CLEC7A: variants seen among roughly 807,000 people sequenced by gnomAD.
CLEC7A encodes C-type lectin domain family 7 member A.
Under a neutral mutation model 26.9 loss-of-function variants are expected in CLEC7A, and 25 were observed. The ratio of observed to expected loss-of-function variants is 0.93; its 90% CI spans 0.68 to 1.30. The LOEUF (loss-of-function observed/expected upper bound fraction) is 1.30. Ranked by LOEUF, CLEC7A falls within the 50% of genes most tolerant of loss-of-function variation. CLEC7A has a pLI of 0.00. For missense variants in CLEC7A, 275 were observed against 286.7 expected, an observed-to-expected ratio of 0.96 and a Z score of 0.29; for synonymous variants, 100 against 99.5, an observed-to-expected ratio of 1.01 and a Z score of -0.03.
chr12:10,124,456 A>G (rs567226903), intron 4 of CLEC7A, among the ~76,000 whole-genome samples: 37 of 152,334 alleles, frequency 2.4e-4, no homozygotes, highest in Non-Finnish European at 4.7e-4. Flanking sequence ...CTTCTTAGGA[A>G]CACGGGGATC....
At position 10,128,434 on chromosome 12, in the gene CLEC7A, A is replaced by G. The variant is rs528828734; in HGVS notation, c.104-589T>C. Among the ~76,000 whole-genome samples, 7 of 152,276 alleles carry G rather than the reference A, an allele frequency of 4.6e-5. No homozygotes were observed. The East Asian group carries it at 7.7e-4, about 17-fold the overall frequency. On this transcript the variant is annotated intron_variant, in intron 1 of 5. Coordinates refer to ENST00000304084, the MANE Select transcript of CLEC7A (RefSeq NM_197947.3). ...TGTATGCTCCTAATTTCAGTTCCACATTGACATCTACAGGTCTTGACATTA... is the reference window on the plus strand; with the variant it reads ...TGTATGCTCCTAATTTCAGTTCCACGTTGACATCTACAGGTCTTGACATTA...
intron 1 of CLEC7A, 43 bp downstream of exon 1, chr12:10,129,937 A>G (rs1486898075): frequency 8.5e-7 from 1 of 1,172,910 alleles, no homozygotes; most frequent in Admixed American, 1.8e-5. Context: ...ATCTTTTCAA[A>G]CGGGAGAGCT....
At chr12:10,124,918 G>T in intron 4 of CLEC7A, 1 of 192,750 alleles carries the variant, frequency 5.2e-6, no homozygotes, top group Non-Finnish European at 1.1e-5. Flanking sequence ...ATGAATTTTG[G>T]CCAAGTATGG....
intron 1 of CLEC7A, among the ~76,000 whole-genome samples, chr12:10,129,317 C>G (rs1170912308): frequency 6.6e-6 from 1 of 152,116 alleles, no homozygotes; most frequent in African/African-American, 2.4e-5. Context: ...GCCTTTCTAT[C>G]AAACAAGCAA....
intron 3 of CLEC7A, 153 bp downstream of exon 3, chr12:10,126,418 G>C (rs1463366914): frequency 1.0e-6 from 1 of 977,334 alleles, no homozygotes; most frequent in Non-Finnish European, 1.2e-6. Context: ...ATATGACAGG[G>C]ATACATTACA....
chr12:10,129,225 T>G (rs887828048), intron 1 of CLEC7A, among the ~76,000 whole-genome samples: 1 of 152,196 alleles, frequency 6.6e-6, no homozygotes, highest in Non-Finnish European at 1.5e-5. Context: ...AAAAACAATT[T>G]AAATTAATCT....
intron 5 of CLEC7A, among the ~76,000 whole-genome samples, chr12:10,120,703 T>C (rs568081125): frequency 6.6e-6 from 1 of 151,386 alleles, no homozygotes; most frequent in African/African-American, 2.4e-5. Flanking sequence ...GCTGGGATTA[T>C]AGGCGTGAGT....
chr12:10,128,259 A>C (rs149221876), intron 1 of CLEC7A, among the ~76,000 whole-genome samples: 182 of 149,412 alleles, frequency 1.2e-3, no homozygotes, highest in African/African-American at 3.6e-3. Context: ...ACCAACAACA[A>C]CAACAAAAAA....
Position 10,123,250 on chromosome 12 carries a change from A to C in CLEC7A, c.606T>G (p.Ser202=), listed in dbSNP as rs1948154022. 3 of 1,579,608 alleles carry C rather than the reference A, an allele frequency of 1.9e-6. No homozygotes were observed. Among genetic ancestry groups the C allele is most frequent in the Middle Eastern group, 1.7e-4 (1 of 6,000 alleles). ...WLWEDGSTFS[S]NLFQIRTTAT... is the part of the protein sequence containing the mutation. ...TTGTCTCTCCAAACACTTACAAGTT[A>C]GAAGAGAATGTTGATCCATCCTCCC... The change falls in exon 5 of 6, where the codon TCT becomes TCG. Residue 202 remains serine (S), a synonymous_variant. Transcript: ENST00000304084.
At chr12:10,122,930 G>A (rs7136680) in intron 5 of CLEC7A, among the ~76,000 whole-genome samples, 20,761 of 151,932 alleles carry the variant, frequency 0.14, 1,839 homozygotes, top group African/African-American at 0.26. Context: ...GCTCTTAACC[G>A]GGGAGTTACA....
At chr12:10,120,423 A>C (rs1948041250) in intron 5 of CLEC7A, among the ~76,000 whole-genome samples, 1 of 152,154 alleles carries the variant, frequency 6.6e-6, no homozygotes, top group Non-Finnish European at 1.5e-5. Flanking sequence ...AAAACAACAA[A>C]CCTCTAATTC....
intron 2 of CLEC7A, chr12:10,127,250 C>A: frequency 7.2e-7 from 1 of 1,379,748 alleles, no homozygotes; most frequent in South Asian, 1.4e-5. Context: ...CAGGAAATTT[C>A]TGGTGTATTC....
At chr12:10,119,768 T>A (rs1016202597) in intron 5 of CLEC7A, among the ~76,000 whole-genome samples, 1 of 151,366 alleles carries the variant, frequency 6.6e-6, no homozygotes, top group African/African-American at 2.4e-5. Context: ...GATTTTAAGA[T>A]AAAATGTTAA....
rs552552100 is a variant in CLEC7A, at chr12:10,127,923, T to C, written c.104-78A>G. 28 of 1,038,714 alleles carry C rather than the reference T, an allele frequency of 2.7e-5. No homozygotes were observed. The South Asian group carries it at 4.1e-4, about 15-fold the overall frequency. The allele number at this position is 1,038,714 out of a possible 1,614,324, so 64.3% of individuals were successfully genotyped here. A position where few individuals can be genotyped will look rare whatever the true frequency, so the allele number is the denominator to read the frequency against. On this transcript the variant is annotated intron_variant, in intron 1 of 5. Coordinates refer to ENST00000304084, the MANE Select transcript of CLEC7A (RefSeq NM_197947.3). ...TGGGGCAGTTTAATTCTACAGTTCATCAAAAATCTGGCCTTGCACGGTGGC... is the reference window on the plus strand; with the variant it reads ...TGGGGCAGTTTAATTCTACAGTTCACCAAAAATCTGGCCTTGCACGGTGGC...
intron 4 of CLEC7A, 104 bp from the exon 5 acceptor site, chr12:10,123,467 G>A: frequency 1.2e-6 from 1 of 817,932 alleles, no homozygotes; most frequent in South Asian, 1.6e-5. Context: ...AATCACTTTG[G>A]TAAAGAATGC....
chr12:10,120,549 A>G (rs931858014), intron 5 of CLEC7A, among the ~76,000 whole-genome samples: 3 of 151,882 alleles, frequency 2.0e-5, no homozygotes, highest in Admixed American at 1.3e-4. Flanking sequence ...AATGAATACT[A>G]ACTGCATAAA....
At chr12:10,125,685 AT>A (rs1183314229) in intron 3 of CLEC7A, among the ~76,000 whole-genome samples, 6 of 152,170 alleles carry the variant, frequency 3.9e-5, no homozygotes, top group Non-Finnish European at 7.4e-5. Flanking sequence ...GCAGCCAACC[AT>A]CCTTTTTTTC....
At chr12:10,119,555 A>C (rs1365695499) in intron 5 of CLEC7A, among the ~76,000 whole-genome samples, 1 of 152,218 alleles carries the variant, frequency 6.6e-6, no homozygotes, top group Non-Finnish European at 1.5e-5. Context: ...TTAAAATAGC[A>C]AGAGAAAACT....
At chr12:10,127,554 G>T in intron 2 of CLEC7A, 193 bp downstream of exon 2, 1 of 1,145,710 alleles carries the variant, frequency 8.7e-7, no homozygotes. Context: ...CCCTGGAAAG[G>T]TAAAATAACC....
Sources: allele counts gnomAD v4.1 joint callset (sites outside exome capture counted in the v4.1 genomes callset), GRCh38; gene constraint gnomAD v4.1.1; transcripts MANE v1.5; gene names NCBI Gene and HGNC (gene_info 2026-07-23, HGNC 2026-07-21).